The following ABCG1 variants were observed in gnomAD, a reference collection of about 807,000 sequenced individuals.
ABCG1 encodes ATP-binding cassette sub-family G member 1.
In ABCG1, 29 loss-of-function variants were observed where a neutral mutation model predicts 69.2. The observed-to-expected ratio is 0.42, with a 90% CI of 0.31 to 0.57. ABCG1 has a LOEUF of 0.57. Among genes scored for constraint, ABCG1 ranks in the 20% least tolerant of loss-of-function variants. The pLI is 0.15. For missense variants in ABCG1, 718 were observed against 898.1 expected, an observed-to-expected ratio of 0.80 and a Z score of 2.56; for synonymous variants, 370 against 374.8, an observed-to-expected ratio of 0.99 and a Z score of 0.15.
rs9978287 is a variant in ABCG1 at position 42,265,096 on chromosome 21, A to G, written c.287-5974A>G. Among the ~76,000 whole-genome samples, 214 of 152,284 alleles carry G rather than the reference A, an allele frequency of 1.4e-3. 1 individual carries two copies. The highest frequency in any genetic ancestry group is 2.5e-3 in the Non-Finnish European group (172 of 68,012). ...AGCTTCACACCATCTTTCCGAGTGC[A>G]CACAGGGGTTCATAGGAGCTGCAGC... On this transcript the variant is annotated intron_variant, in intron 2 of 14. Coordinates refer to ENST00000398449, the MANE Select transcript of ABCG1 (RefSeq NM_016818.3).
At chr21:42,251,587 G>A (rs774815001) in intron 2 of ABCG1, among the ~76,000 whole-genome samples, 3 of 152,046 alleles carry the variant, frequency 2.0e-5, no homozygotes, top group South Asian at 2.1e-4. Context: ...AGCGGCCAAC[G>A]CATGTTTGGG....
At chr21:42,245,908 A>ACTCTGATGAGGAGGGGAGGGGGC (rs2068127352) in intron 2 of ABCG1, among the ~76,000 whole-genome samples, 1 of 152,112 alleles carries the variant, frequency 6.6e-6, no homozygotes, top group African/African-American at 2.4e-5. Flanking sequence ...CAGGCAGCAG[A>ACTCTGATGAGGAGGGGAGGGGGC]AAGTGCTGAC....
intron 2 of ABCG1, chr21:42,256,478 T>G: frequency 1.3e-6 from 2 of 1,550,026 alleles, no homozygotes; most frequent in Non-Finnish European, 1.7e-6. Context: ...CTGGGTGTAC[T>G]GGCTACAGAT....
chr21:42,224,780 A>G lies in ABCG1; in HGVS notation c.43-891A>G, dbSNP rs1384036080. Among the ~76,000 whole-genome samples the G allele has an allele frequency of 2.0e-5, 3 of 152,172 alleles. No homozygotes were observed. In the East Asian group the frequency reaches 5.8e-4, roughly 29 times the overall value. The stretch of plus-strand genomic sequence containing the variant: ...GTACCTGAAGCTTATTGATTTGCTC[A>G]CGGTTGCCAGGCCATTGAAAAAGGG... On this transcript the variant is annotated intron_variant, in intron 1 of 14. Transcript: ENST00000398449.
intron 1 of ABCG1, among the ~76,000 whole-genome samples, chr21:42,222,494 A>G (rs2067744774): frequency 6.6e-6 from 1 of 152,020 alleles, no homozygotes; most frequent in African/African-American, 2.4e-5. Flanking sequence ...CCCACAACTC[A>G]CCCGTGGAAG....
At chr21:42,295,707 G>A (rs747247511) in intron 14 of ABCG1, among the ~76,000 whole-genome samples, 14 of 152,212 alleles carry the variant, frequency 9.2e-5, no homozygotes, top group African/African-American at 2.2e-4. Context: ...ATCAGAAACC[G>A]ACGTCTTTCT....
intron 2 of ABCG1, among the ~76,000 whole-genome samples, chr21:42,268,317 A>C (rs1238401233): frequency 2.0e-5 from 3 of 151,570 alleles, no homozygotes; most frequent in African/African-American, 7.3e-5. Flanking sequence ...AACCAAGTGG[A>C]GGACTCTGCG....
chr21:42,227,984 G>T (rs563423105), intron 2 of ABCG1, among the ~76,000 whole-genome samples: 1 of 152,296 alleles, frequency 6.6e-6, no homozygotes, highest in African/African-American at 2.4e-5. Flanking sequence ...CCCTTGACAC[G>T]TGGGGATTAC....
chr21:42,223,067 C>A (rs1441540664), intron 1 of ABCG1, among the ~76,000 whole-genome samples: 1 of 152,212 alleles, frequency 6.6e-6, no homozygotes, highest in African/African-American at 2.4e-5. Flanking sequence ...ACCAAGTTGG[C>A]AAGCCCTTCC....
rs752283358 is a variant in ABCG1 at position 42,225,852 on chromosome 21, T to G, written c.224T>G (p.Val75Gly). 6 of 1,613,974 alleles carry G rather than the reference T, an allele frequency of 3.7e-6. No homozygotes were observed. The highest frequency in any genetic ancestry group is 5.1e-6 in the Non-Finnish European group (6 of 1,180,000). Residue 75 changes from valine to glycine, a missense_variant, in exon 2 of 15, where the codon GTG becomes GGG. Around this residue, in one of 2 missense-constraint regions of ABCG1, gnomAD observed 514 missense variants for 574.3 expected, o/e 0.90. Transcript: ENST00000398449. ...TCCTCCTTGCCTCGGAGGGCAGCTG[T>G]GAACATTGAATTCAGGGACCTTTCC... ...RFSSLPRRAA[V>G]NIEFRDLSYS...
chr21:42,291,281 C>T lies in ABCG1; in HGVS notation c.1494+89C>T. 8.0e-7 allele frequency: 1 copy of T among 1,247,484 alleles called. No individual in the cohort carries two copies. The highest frequency in any genetic ancestry group is 1.1e-6 in the Non-Finnish European group (1 of 869,958). The allele number at this position is 1,247,484 out of a possible 1,614,324, so 77.3% of individuals were successfully genotyped here. On this transcript the variant is annotated intron_variant, in intron 12 of 14. Transcript: ENST00000398449. This position sits in a 1 kb window ranked among gnomAD's most constrained non-coding sequence, Gnocchi z 6.4. The stretch of plus-strand genomic sequence containing the variant: ...CGAGTAAGAGGACCTGCCAGGGATG[C>T]AGGGTGACATGGCCCGACTTCGGGA...
chr21:42,243,227 A>G lies in ABCG1; in HGVS notation c.286+17313A>G, dbSNP rs1389212283. 2.0e-5 allele frequency among the ~76,000 whole-genome samples: 3 copies of G among 152,088 alleles called. No homozygotes were observed. The South Asian group carries it at 6.2e-4, about 32-fold the overall frequency. ...CAGGTGGTGTCTCACGAGTCGCACT[A>G]TGAATGTGGGGAGCCCGTCGGCCCC... On this transcript the variant is annotated intron_variant, in intron 2 of 14. Coordinates refer to ENST00000398449, the MANE Select transcript of ABCG1 (RefSeq NM_016818.3).
chr21:42,225,209 TGA>T (rs2067796078), intron 1 of ABCG1, among the ~76,000 whole-genome samples: 7 of 152,224 alleles, frequency 4.6e-5, no homozygotes, highest in Admixed American at 4.6e-4. Context: ...TCATTGCTCC[TGA>T]GACATTTTTA....
At chr21:42,285,784 A>C (rs914244569) in intron 7 of ABCG1, 96 bp from the exon 8 acceptor site, 1 of 839,552 alleles carries the variant, frequency 1.2e-6, no homozygotes, top group Non-Finnish European at 2.0e-6. Context: ...TGACTGATTG[A>C]TCGGTTGATT....
intron 3 of ABCG1, among the ~76,000 whole-genome samples, chr21:42,272,640 G>A (rs1457228624): frequency 6.6e-6 from 1 of 152,242 alleles, no homozygotes; most frequent in Non-Finnish European, 1.5e-5. Flanking sequence ...GATGCTCCCA[G>A]AACGGCAGGC....
rs998264858 is a variant in ABCG1 at position 42,288,601 on chromosome 21, G to A, written c.1224+289G>A. On this transcript the variant is annotated intron_variant, in intron 10 of 14. Transcript: ENST00000398449. This position sits in a 1 kb window ranked among gnomAD's most constrained non-coding sequence, Gnocchi z 4.8. ...GCATGCCTGTAATCCCAGCTACTCA[G>A]GAGGCTGGGGCAGGAGAACTGCTTG... Among the ~76,000 whole-genome samples, 71 of 152,160 alleles carry A rather than the reference G, an allele frequency of 4.7e-4. 1 individual carries two copies. The highest frequency in any genetic ancestry group is 1.0e-4 in the Non-Finnish European group (7 of 68,032).
At chr21:42,233,174 C>T (rs2067925714) in intron 2 of ABCG1, among the ~76,000 whole-genome samples, 1 of 152,234 alleles carries the variant, frequency 6.6e-6, no homozygotes, top group African/African-American at 2.4e-5. Flanking sequence ...AGTTTCACTT[C>T]CCACTTTGTC....
At position 42,287,266 on chromosome 21, in the gene ABCG1, G is replaced by T. The variant is rs1045246186; in HGVS notation, c.974-623G>T. Among the ~76,000 whole-genome samples the T allele has an allele frequency of 4.6e-5, 7 of 152,168 alleles. No homozygotes were observed. Among genetic ancestry groups the T allele is most frequent in the Admixed American group, 2.6e-4 (4 of 15,282 alleles). On this transcript the variant is annotated intron_variant, in intron 8 of 14. Transcript: ENST00000398449. This position sits in a 1 kb window ranked among gnomAD's most constrained non-coding sequence, Gnocchi z 6.2. ...TGCAGAGGAAGTCCAGGTGGAGGGAGACCTTAGGGGAGCGAGTCTGCAGGT... is the reference window on the plus strand; with the variant it reads ...TGCAGAGGAAGTCCAGGTGGAGGGATACCTTAGGGGAGCGAGTCTGCAGGT...
Position 42,291,030 on chromosome 21 carries a change from A to T in ABCG1, c.1394-62A>T. 1 of 1,253,156 alleles carries T rather than the reference A, an allele frequency of 8.0e-7. No individual in the cohort carries two copies. The highest frequency in any genetic ancestry group is 1.2e-5 in the South Asian group (1 of 81,626). The allele number at this position is 1,253,156 out of a possible 1,614,324, so 77.6% of individuals were successfully genotyped here. On this transcript the variant is annotated intron_variant, in intron 11 of 14. Coordinates refer to ENST00000398449, the MANE Select transcript of ABCG1 (RefSeq NM_016818.3). This position sits in a 1 kb window ranked among gnomAD's most constrained non-coding sequence, Gnocchi z 6.4. ...GCTCAGCTCAAGATCGCCTGTTGGG[A>T]TGTTAAACGGGCTCGCTGCACATGG...
Sources: gnomAD v4.1 joint callset for allele counts (sites outside exome capture counted in the v4.1 genomes callset) on GRCh38, gnomAD v4.1.1 for gene constraint, gnomAD v4.1.1 regional missense constraint, Gnocchi (gnomAD v3.1) non-coding constraint, MANE v1.5 for transcripts, NCBI Gene and HGNC (gene_info 2026-07-23, HGNC 2026-07-21) for gene names.